Variants in GALNT17 observed in about 807,000 individuals in gnomAD.
GALNT17 encodes the protein polypeptide N-acetylgalactosaminyltransferase 17.
In GALNT17, 29 loss-of-function variants were observed where a neutral mutation model predicts 63.7. That is an observed-to-expected ratio of 0.46 (90% confidence interval 0.34 to 0.62). The LOEUF is 0.62. GALNT17 is among the 20% of genes least tolerant of loss of function. The pLI is 0.01. For synonymous variants in GALNT17, 305 were observed against 318.3 expected (o/e 0.96, Z 0.45); for missense variants, 603 against 799.6 (o/e 0.75, Z 2.97).
chr7:71,153,183 G>A (rs1032994954), intron 1 of GALNT17, among the ~76,000 whole-genome samples: 1 of 152,108 alleles, frequency 6.6e-6, no homozygotes, highest in African/African-American at 2.4e-5. Flanking sequence ...AGCCAAAGCT[G>A]GGGCTTTGGA....
intron 5 of GALNT17, among the ~76,000 whole-genome samples, chr7:71,545,863 G>GT (rs1300629369): frequency 6.6e-6 from 1 of 152,148 alleles, no homozygotes; most frequent in African/African-American, 2.4e-5. Flanking sequence ...TCTCCGGTAA[G>GT]TTTTCTCATT....
chr7:71,432,284 C>T (rs938092072), intron 5 of GALNT17, among the ~76,000 whole-genome samples: 7 of 152,128 alleles, frequency 4.6e-5, no homozygotes, highest in Admixed American at 2.0e-4. Flanking sequence ...ATTTGCTCCG[C>T]GGTGGCACAT....
intron 1 of GALNT17, among the ~76,000 whole-genome samples, chr7:71,332,490 T>G (rs904023814): frequency 4.6e-5 from 7 of 152,330 alleles, no homozygotes; most frequent in South Asian, 2.1e-4. Context: ...TAACTTACCT[T>G]GAGGAGTTTC....
At position 71,338,481 on chromosome 7, in the gene GALNT17, C is replaced by T. The variant is rs564119416; in HGVS notation, c.422+2748C>T. Among the ~76,000 whole-genome samples the T allele has an allele frequency of 5.2e-4, 79 of 152,196 alleles. 3 individuals are homozygous for T. The South Asian group carries it at 0.016, about 31-fold the overall frequency. ...AAGTCTGCAGTAAGCCATCGTGGCA[C>T]CACTGCATTCCAGCCTGAGGAAGAG... On this transcript the variant is annotated intron_variant, in intron 2 of 10. Transcript: ENST00000333538.
chr7:71,437,226 T>C (rs934025901), intron 5 of GALNT17, among the ~76,000 whole-genome samples: 1 of 152,316 alleles, frequency 6.6e-6, no homozygotes, highest in East Asian at 1.9e-4. Flanking sequence ...ATCTGCACCC[T>C]AAGCTCTCTG....
At chr7:71,381,969 C>G (rs1368390494) in intron 2 of GALNT17, among the ~76,000 whole-genome samples, 1 of 151,990 alleles carries the variant, frequency 6.6e-6, no homozygotes, top group Admixed American at 6.6e-5. Flanking sequence ...GAAAGAAAGG[C>G]AGAGGGACAG....
chr7:71,554,379 C>T (rs1000710527), intron 5 of GALNT17, among the ~76,000 whole-genome samples: 2 of 152,184 alleles, frequency 1.3e-5, no homozygotes, highest in African/African-American at 4.8e-5. Context: ...CCTCCTTTGC[C>T]TTTCGCCATG....
At chr7:71,494,015 C>T (rs1788053425) in intron 5 of GALNT17, among the ~76,000 whole-genome samples, 1 of 152,008 alleles carries the variant, frequency 6.6e-6, no homozygotes, top group East Asian at 1.9e-4. Flanking sequence ...TTTCACACTA[C>T]TCTAAAGAAA....
intron 2 of GALNT17, among the ~76,000 whole-genome samples, chr7:71,354,305 CTT>C (rs1374709508): frequency 6.6e-6 from 1 of 152,164 alleles, no homozygotes. Flanking sequence ...CCTTTCCTGT[CTT>C]TGACAGAAGT....
intron 9 of GALNT17, among the ~76,000 whole-genome samples, chr7:71,709,734 G>GAT (rs531669324): frequency 4.6e-5 from 7 of 152,070 alleles, no homozygotes; most frequent in Non-Finnish European, 8.8e-5. Flanking sequence ...GAATAGCTTG[G>GAT]ATTATAGTTG....
intron 6 of GALNT17, among the ~76,000 whole-genome samples, chr7:71,580,558 G>A (rs1304570759): frequency 2.0e-5 from 3 of 152,138 alleles, no homozygotes; most frequent in African/African-American, 4.8e-5. Context: ...ACAGCCATGT[G>A]GAAAATAGAT....
Position 71,201,707 on chromosome 7 carries a change from C to CTGCA in GALNT17, c.238+68668_238+68671dup, listed in dbSNP as rs1457969865. 3.3e-5 allele frequency among the ~76,000 whole-genome samples: 5 copies of CTGCA among 151,710 alleles called. No individual in the cohort carries two copies. In the East Asian group the frequency reaches 9.7e-4, roughly 30 times the overall value. On this transcript the variant is annotated intron_variant, in intron 1 of 10. Coordinates refer to ENST00000333538, the MANE Select transcript of GALNT17 (RefSeq NM_022479.3). ...GTGCAAATGGCATGCTTTCGGCTCACTGCAACCTCCGCCTCCCGGGTTCAA... is the reference window on the plus strand; with the variant it reads ...GTGCAAATGGCATGCTTTCGGCTCACTGCATGCAACCTCCGCCTCCCGGGTTCAA...
chr7:71,631,340 T>A (rs2116989227), intron 6 of GALNT17, among the ~76,000 whole-genome samples: 1 of 152,080 alleles, frequency 6.6e-6, no homozygotes, highest in Non-Finnish European at 1.5e-5. Context: ...CTGATGGACA[T>A]GCATGACCAC....
intron 1 of GALNT17, among the ~76,000 whole-genome samples, chr7:71,187,235 G>A (rs1788866644): frequency 1.3e-5 from 2 of 151,778 alleles, no homozygotes; most frequent in Admixed American, 1.3e-4. Context: ...TCAGCCTCCT[G>A]AGTAGCTGGG....
At position 71,637,353 on chromosome 7, in the gene GALNT17, T is replaced by G. The variant is rs569055479; in HGVS notation, c.1081-28058T>G. The stretch of plus-strand genomic sequence containing the variant: ...GGCACAGCCACCATGTCCGGCTAAT[T>G]TTTTGTATTTTAGTAGAGACAGGAT... On this transcript the variant is annotated intron_variant, in intron 6 of 10. Coordinates refer to ENST00000333538, the MANE Select transcript of GALNT17 (RefSeq NM_022479.3). Among the ~76,000 whole-genome samples, 11 of 152,120 alleles carry G rather than the reference T, an allele frequency of 7.2e-5. 1 individual carries two copies. Among genetic ancestry groups the G allele is most frequent in the Middle Eastern group, 3.4e-3 (1 of 294 alleles).
intron 5 of GALNT17, among the ~76,000 whole-genome samples, chr7:71,500,287 G>A (rs1254386793): frequency 1.3e-5 from 2 of 152,108 alleles, no homozygotes; most frequent in Non-Finnish European, 2.9e-5. Context: ...ATAGTGTTTA[G>A]CGAAGGGCTC....
At chr7:71,635,525 A>G (rs1790516864) in intron 6 of GALNT17, among the ~76,000 whole-genome samples, 1 of 152,158 alleles carries the variant, frequency 6.6e-6, no homozygotes, top group Admixed American at 6.6e-5. Context: ...ATTTGTATGT[A>G]TTTATGGGGT....
intron 1 of GALNT17, among the ~76,000 whole-genome samples, chr7:71,185,329 C>A (rs971099483): frequency 2.0e-5 from 3 of 151,424 alleles, no homozygotes; most frequent in Admixed American, 6.6e-5. Context: ...CCTCAGCCTC[C>A]CAAGTAGCTG....
At chr7:71,447,415 T>C (rs1285448981) in intron 5 of GALNT17, among the ~76,000 whole-genome samples, 1 of 152,090 alleles carries the variant, frequency 6.6e-6, no homozygotes, top group African/African-American at 2.4e-5. Context: ...CACATAATGC[T>C]CAAAGGATAA....
Sources: gnomAD v4.1 joint callset for allele counts (sites outside exome capture counted in the v4.1 genomes callset) on GRCh38, gnomAD v4.1.1 for gene constraint, MANE v1.5 for transcripts, NCBI Gene and HGNC (gene_info 2026-07-23, HGNC 2026-07-21) for gene names.